Variants in PRKCB observed in about 807,000 individuals in gnomAD.
PRKCB encodes the protein protein kinase C beta, also known as protein kinase C beta type.
Under a neutral mutation model 81.5 loss-of-function variants are expected in PRKCB, and 13 were observed. That is an observed-to-expected ratio of 0.16 (90% CI 0.10 to 0.25). PRKCB has a LOEUF of 0.25. Among genes scored for constraint, PRKCB ranks in the 10% least tolerant of loss-of-function variants. The pLI is 1.00. For synonymous variants in PRKCB, 335 were observed against 321.4 expected (o/e 1.04, Z -0.45); for missense variants, 509 against 875.7 (o/e 0.58, Z 5.29).
rs1485384561 is a variant in PRKCB, at chr16:24,220,522, G to C, written c.*5706G>C. The C allele has an allele frequency of 1.3e-5, 2 of 158,500 alleles. No individual in the cohort carries two copies. 9.8% of individuals were successfully genotyped at this position (158,500 alleles called of 1,614,324 possible). A position where few individuals can be genotyped will look rare whatever the true frequency, so the allele number is the denominator to read the frequency against. On this transcript the variant is annotated 3_prime_UTR_variant, in exon 17 of 17. Transcript: ENST00000643927. ...TGAGCGATATTTTTAAAAATTGTGA[G>C]TAAGCTTTGCAGTTACTGTGAACTA...
intron 12 of PRKCB, among the ~76,000 whole-genome samples, chr16:24,176,838 G>T (rs1436115012): frequency 6.6e-6 from 1 of 150,680 alleles, no homozygotes; most frequent in East Asian, 2.0e-4. Flanking sequence ...AGGTTGCAGT[G>T]AGCTGAGATC....
At chr16:24,200,560 C>G (rs909692353) in intron 16 of PRKCB, among the ~76,000 whole-genome samples, 1 of 152,148 alleles carries the variant, frequency 6.6e-6, no homozygotes, top group Non-Finnish European at 1.5e-5. Context: ...AAATTTATTT[C>G]TTACAGTTCT....
At position 24,187,654 on chromosome 16, in the gene PRKCB, TTTTTGTTTTGTTTTG is replaced by T. The variant is rs374822483; in HGVS notation, c.1722+2117_1722+2131del. ...CCTTCTACTTTCTAGGCACAAGGTGTTTTTGTTTTGTTTTGTTTTGTTTTGTTTTGTTTTGTTTTG... is the reference window on the plus strand; with the variant it reads ...CCTTCTACTTTCTAGGCACAAGGTGTTTTTGTTTTGTTTTGTTTTGTTTTG... On this transcript the variant is annotated intron_variant, in intron 15 of 16. Coordinates refer to ENST00000643927, the MANE Select transcript of PRKCB (RefSeq NM_002738.7). Among the ~76,000 whole-genome samples, 120 of 147,340 alleles carry T rather than the reference TTTTTGTTTTGTTTTG, an allele frequency of 8.1e-4. 5 individuals are homozygous for T. The East Asian group carries it at 0.013, about 16-fold the overall frequency.
rs1246691242 is a variant in PRKCB, at chr16:23,954,416, G to A, written c.206-34092G>A. ...AGACCCTTCCTCAGTAAGGATGATG[G>A]GCTCCTCGGGCTCTTGCCCTTCCCG... is the stretch of plus-strand genomic sequence containing the variant. On this transcript the variant is annotated intron_variant, in intron 2 of 16. Transcript: ENST00000643927. 2.0e-5 allele frequency among the ~76,000 whole-genome samples: 3 copies of A among 152,188 alleles called. No homozygotes were observed. In the South Asian group the frequency reaches 6.2e-4, roughly 31 times the overall value.
rs1567417906 is a variant in PRKCB, at chr16:24,219,914, GTCTT to G, written c.*5103_*5106del. ...AATGACTGGCGTATCTTGGTCCTGT[GTCTT>G]TCTTCTTACGCTGTGTTAATGTGTT... is the stretch of plus-strand genomic sequence containing the variant. On this transcript the variant is annotated 3_prime_UTR_variant, in exon 17 of 17. Coordinates refer to ENST00000643927, the MANE Select transcript of PRKCB (RefSeq NM_002738.7). 1.2e-6 allele frequency: 2 copies of G among 1,601,526 alleles called. No individual in the cohort carries two copies. The highest frequency in any genetic ancestry group is 1.1e-5 in the South Asian group (1 of 89,474).
chr16:23,942,894 G>T (rs755723415), intron 2 of PRKCB, among the ~76,000 whole-genome samples: 1 of 152,076 alleles, frequency 6.6e-6, no homozygotes, highest in African/African-American at 2.4e-5. Flanking sequence ...TCTCAACTTT[G>T]CTCTCATTTC....
intron 2 of PRKCB, among the ~76,000 whole-genome samples, chr16:23,895,967 T>G (rs1053034774): frequency 6.6e-6 from 1 of 152,224 alleles, no homozygotes; most frequent in Admixed American, 6.5e-5. Context: ...CATTTTCATT[T>G]TGGATCATTT....
intron 2 of PRKCB, among the ~76,000 whole-genome samples, chr16:23,913,072 A>T (rs893584747): frequency 2.0e-5 from 3 of 152,106 alleles, no homozygotes; most frequent in African/African-American, 7.2e-5. Flanking sequence ...AAATGCTGGG[A>T]TTGCAGGCAA....
chr16:24,076,701 G>GT (rs778091774), intron 5 of PRKCB, among the ~76,000 whole-genome samples: 5 of 152,202 alleles, frequency 3.3e-5, no homozygotes, highest in Non-Finnish European at 5.9e-5. Flanking sequence ...TTAACTCACT[G>GT]TTTGAGTCAC....
chr16:23,919,080 A>T (rs1963785502), intron 2 of PRKCB, among the ~76,000 whole-genome samples: 3 of 152,214 alleles, frequency 2.0e-5, no homozygotes, highest in Admixed American at 2.0e-4. Context: ...TTCAAAGATG[A>T]AACATTCATT....
chr16:24,045,968 C>T lies in PRKCB; in HGVS notation c.529+10421C>T, dbSNP rs555525315. Among the ~76,000 whole-genome samples the T allele has an allele frequency of 4.6e-5, 7 of 152,344 alleles. No individual in the cohort carries two copies. In the South Asian group the frequency reaches 1.0e-3, roughly 23 times the overall value. ...ATGGCATCTTACCAGTCATGAAGCTCGGGTGTCAGTCCCGCCAGGGCTGGA... is the reference window on the plus strand; with the variant it reads ...ATGGCATCTTACCAGTCATGAAGCTTGGGTGTCAGTCCCGCCAGGGCTGGA... On this transcript the variant is annotated intron_variant, in intron 5 of 16. Coordinates refer to ENST00000643927, the MANE Select transcript of PRKCB (RefSeq NM_002738.7).
intron 2 of PRKCB, among the ~76,000 whole-genome samples, chr16:23,875,220 G>A (rs895532600): frequency 1.3e-5 from 2 of 151,610 alleles, no homozygotes; most frequent in Admixed American, 1.3e-4. Flanking sequence ...TTGAATTTTA[G>A]TAGAGATGAG....
rs1968285395 is a variant in PRKCB, at chr16:24,219,400, G to A, written c.*4584G>A. Reference sequence around the variant, plus strand: ...AACACCCAATTCTAGACTGTGGGTGGATTTTCGAGCTGACGGTGGTCAATT... The same window carrying A: ...AACACCCAATTCTAGACTGTGGGTGAATTTTCGAGCTGACGGTGGTCAATT... On this transcript the variant is annotated 3_prime_UTR_variant, in exon 17 of 17. Transcript: ENST00000643927. 1 of 985,678 alleles carries A rather than the reference G, an allele frequency of 1.0e-6. No homozygotes were observed. The highest frequency in any genetic ancestry group is 6.1e-5 in the Admixed American group (1 of 16,314). The allele number at this position is 985,678 out of a possible 1,614,324, so 61.1% of individuals were successfully genotyped here.
intron 5 of PRKCB, among the ~76,000 whole-genome samples, chr16:24,087,974 G>A (rs1966329770): frequency 6.6e-6 from 1 of 152,168 alleles, no homozygotes; most frequent in South Asian, 2.1e-4. Flanking sequence ...CAGTGGGGAC[G>A]TTTGCTATTT....
intron 2 of PRKCB, among the ~76,000 whole-genome samples, chr16:23,977,487 G>A (rs1964640972): frequency 1.3e-5 from 2 of 152,144 alleles, no homozygotes; most frequent in South Asian, 2.1e-4. Context: ...AGCCAGGACT[G>A]AGAACTAGTG....
intron 2 of PRKCB, among the ~76,000 whole-genome samples, chr16:23,870,868 G>A (rs1490757466): frequency 6.6e-6 from 1 of 152,156 alleles, no homozygotes; most frequent in Non-Finnish European, 1.5e-5. Context: ...GGGCTTGCTC[G>A]TGTGTCTTTG....
intron 2 of PRKCB, among the ~76,000 whole-genome samples, chr16:23,882,057 C>CCTTCCTTT (rs1963131380): frequency 1.5e-5 from 1 of 65,868 alleles, no homozygotes; most frequent in Non-Finnish European, 3.0e-5. Flanking sequence ...TTCCTTCCTT[C>CCTTCCTTT]TTCCTTTCCT....
intron 10 of PRKCB, among the ~76,000 whole-genome samples, chr16:24,167,350 T>C (rs115970400): frequency 6.6e-6 from 1 of 151,976 alleles, no homozygotes; most frequent in African/African-American, 2.4e-5. Flanking sequence ...AAAACCATTT[T>C]CTAAAAATTA....
chr16:24,184,633 A>G (rs1967675526), intron 13 of PRKCB, among the ~76,000 whole-genome samples: 1 of 152,166 alleles, frequency 6.6e-6, no homozygotes, highest in Non-Finnish European at 1.5e-5. Context: ...TTTTCATGTT[A>G]TTATCTCAGC....
Sources: allele counts gnomAD v4.1 joint callset (sites outside exome capture counted in the v4.1 genomes callset), GRCh38; gene constraint gnomAD v4.1.1; transcripts MANE v1.5; gene names NCBI Gene and HGNC (gene_info 2026-07-23, HGNC 2026-07-21).